Variants in NALCN observed in about 807,000 individuals in gnomAD.
NALCN encodes sodium leak channel, non-selective.
A neutral mutation model predicts 225.3 loss-of-function variants in NALCN; 111 were observed. That is an observed-to-expected ratio of 0.49 (90% CI 0.42 to 0.58). NALCN has a LOEUF of 0.58. Ranked by LOEUF, NALCN falls within the 20% of genes least tolerant of loss-of-function variation. The pLI, the probability that NALCN is intolerant of heterozygous loss-of-function variation, is 0.00. For missense variants in NALCN, 1,378 were observed against 2,202.4 expected (o/e 0.63, Z 7.49); for synonymous variants, 764 against 769.0 (o/e 0.99, Z 0.11).
intron 43 of NALCN, chr13:101,057,112 T>TGGGAAAAATTGTGTAG (rs2031363126): frequency 6.7e-6 from 1 of 150,136 alleles, no homozygotes; most frequent in South Asian, 2.1e-4. Context: ...CTACACATCT[T>TGGGAAAAATTGTGTAG]CTCCTTTCAA....
intron 15 of NALCN, among the ~76,000 whole-genome samples, chr13:101,146,012 C>T (rs2139801510): frequency 6.6e-6 from 1 of 152,206 alleles, no homozygotes; most frequent in Non-Finnish European, 1.5e-5. Context: ...GGCAATGCAT[C>T]CCTCCTATAT....
At chr13:101,363,683 G>A (rs1236081375) in intron 6 of NALCN, among the ~76,000 whole-genome samples, 1 of 151,904 alleles carries the variant, frequency 6.6e-6, no homozygotes, top group Admixed American at 6.6e-5. Flanking sequence ...CAAATTTTTG[G>A]GGGGACAAAA....
chr13:101,341,763 A>G (rs1946368980), intron 7 of NALCN, among the ~76,000 whole-genome samples: 1 of 152,184 alleles, frequency 6.6e-6, no homozygotes, highest in Non-Finnish European at 1.5e-5. Flanking sequence ...CAATGGACAG[A>G]ATGCTGATGT....
intron 7 of NALCN, among the ~76,000 whole-genome samples, chr13:101,319,653 A>G (rs1399004360): frequency 6.6e-6 from 1 of 152,208 alleles, no homozygotes; most frequent in African/African-American, 2.4e-5. Flanking sequence ...ATGATGAGAA[A>G]AAAAGGTAAA....
intron 12 of NALCN, among the ~76,000 whole-genome samples, chr13:101,232,412 G>C (rs2041383179): frequency 6.6e-6 from 1 of 151,634 alleles, no homozygotes; most frequent in Admixed American, 6.6e-5. Flanking sequence ...ACCACATGGT[G>C]CAGCTACCAA....
At position 101,181,218 on chromosome 13, in the gene NALCN, G is replaced by A. The variant is rs74117667; in HGVS notation, c.1765-4844C>T. 1,796 of 518,822 alleles carry A rather than the reference G, an allele frequency of 3.5e-3. 29 individuals carry two copies. Among genetic ancestry groups the A allele is most frequent in the African/African-American group, 0.032 (1,642 of 52,006 alleles). The allele number at this position is 518,822 out of a possible 1,614,324, so 32.1% of individuals were successfully genotyped here. A position where few individuals can be genotyped will look rare whatever the true frequency, so the allele number is the denominator to read the frequency against. Reference sequence around the variant, plus strand: ...AACGCATTCCAGGTGGTGTGGTGAGGGCCTGGTGAGTAAGTCTGGCCAGAG... The same window carrying A: ...AACGCATTCCAGGTGGTGTGGTGAGAGCCTGGTGAGTAAGTCTGGCCAGAG... On this transcript the variant is annotated intron_variant, in intron 14 of 43. Coordinates refer to ENST00000251127, the MANE Select transcript of NALCN (RefSeq NM_052867.4).
At chr13:101,320,207 C>T (rs1325152585) in intron 7 of NALCN, among the ~76,000 whole-genome samples, 1 of 152,188 alleles carries the variant, frequency 6.6e-6, no homozygotes, top group Non-Finnish European at 1.5e-5. Context: ...ACGTATGCGA[C>T]AACTTTTCAG....
chr13:101,340,026 T>C (rs530141554), intron 7 of NALCN, among the ~76,000 whole-genome samples: 1 of 149,154 alleles, frequency 6.7e-6, no homozygotes, highest in East Asian at 2.0e-4. Context: ...CCAGCACTTT[T>C]GGAGGCCGAG....
At chr13:101,402,349 C>T (rs2047499463) in intron 1 of NALCN, among the ~76,000 whole-genome samples, 1 of 152,198 alleles carries the variant, frequency 6.6e-6, no homozygotes, top group South Asian at 2.1e-4. Flanking sequence ...CTTATAGCAA[C>T]TCAGGAAACT....
chr13:101,270,598 A>G (rs920654287), intron 10 of NALCN, among the ~76,000 whole-genome samples: 1 of 152,220 alleles, frequency 6.6e-6, no homozygotes, highest in Non-Finnish European at 1.5e-5. Flanking sequence ...GGAAAGACTC[A>G]TTTTGAAATA....
At chr13:101,236,306 C>G (rs1165935012) in intron 12 of NALCN, among the ~76,000 whole-genome samples, 1 of 152,216 alleles carries the variant, frequency 6.6e-6, no homozygotes, top group East Asian at 1.9e-4. Flanking sequence ...CACTTTTACA[C>G]TGTTGGTGGG....
chr13:101,190,685 CTCTG>C (rs1406439461), intron 14 of NALCN, among the ~76,000 whole-genome samples: 1 of 152,156 alleles, frequency 6.6e-6, no homozygotes, highest in African/African-American at 2.4e-5. Flanking sequence ...TTTTGAAAGC[CTCTG>C]TCTGTCTATA....
intron 38 of NALCN, 58 bp downstream of exon 38, chr13:101,068,637 A>G: frequency 7.0e-7 from 1 of 1,436,660 alleles, no homozygotes; most frequent in Non-Finnish European, 9.2e-7. Flanking sequence ...AAAATAATAC[A>G]TAATTATCTA....
chr13:101,271,828 T>C (rs1295454264), intron 10 of NALCN, among the ~76,000 whole-genome samples: 1 of 151,778 alleles, frequency 6.6e-6, no homozygotes, highest in African/African-American at 2.4e-5. Flanking sequence ...TGTCACCGTT[T>C]GTGAGTGTGC....
intron 6 of NALCN, among the ~76,000 whole-genome samples, chr13:101,360,189 CCTCTCTCT>C (rs759523803): frequency 0.079 from 7,021 of 89,146 alleles, 777 homozygotes; most frequent in African/African-American, 0.25. Context: ...TTCCTCTCTT[CCTCTCTCT>C]CTCTCTCTCT....
At chr13:101,367,120 T>A (rs2046398640) in intron 6 of NALCN, among the ~76,000 whole-genome samples, 1 of 151,788 alleles carries the variant, frequency 6.6e-6, no homozygotes, top group African/African-American at 2.4e-5. Flanking sequence ...TTTCTTTTTT[T>A]ATTTTTTTTT....
intron 11 of NALCN, among the ~76,000 whole-genome samples, chr13:101,252,839 T>C (rs77357942): frequency 0.011 from 1,625 of 152,246 alleles, 9 homozygotes; most frequent in South Asian, 0.021. Flanking sequence ...GTCCGTTGCC[T>C]TCCTTGTTGT....
chr13:101,397,109 T>TATATATATATACACAC (rs1169730118), intron 2 of NALCN, among the ~76,000 whole-genome samples: 1 of 80,968 alleles, frequency 1.2e-5, no homozygotes, highest in African/African-American at 4.4e-5. Context: ...TATATATATA[T>TATATATATATACACAC]ACATACACAT....
intron 13 of NALCN, among the ~76,000 whole-genome samples, chr13:101,210,454 A>C (rs572005684): frequency 6.6e-6 from 1 of 152,314 alleles, no homozygotes; most frequent in South Asian, 2.1e-4. Flanking sequence ...TATATGTAAT[A>C]GTTAATGATA....
Sources: allele counts gnomAD v4.1 joint callset (sites outside exome capture counted in the v4.1 genomes callset), GRCh38; gene constraint gnomAD v4.1.1; transcripts MANE v1.5; gene names NCBI Gene and HGNC (gene_info 2026-07-23, HGNC 2026-07-21).